Variants in WDFY3 observed in about 807,000 individuals in gnomAD.
WDFY3 encodes WD repeat and FYVE domain containing 3, also known as WD repeat and FYVE domain-containing protein 3.
A neutral mutation model predicts 409.6 loss-of-function variants in WDFY3; 66 were observed. The ratio of observed to expected loss-of-function variants is 0.16; its 90% confidence interval spans 0.13 to 0.20. The LOEUF (loss-of-function observed/expected upper bound fraction) is 0.20. WDFY3 is among the 10% of genes least tolerant of loss of function. The pLI is 1.00. For synonymous variants in WDFY3, 1,521 were observed against 1,537.1 expected, an observed-to-expected ratio of 0.99 and a Z score of 0.25; for missense variants, 3,031 against 4,298.1, an observed-to-expected ratio of 0.71 and a Z score of 8.24.
intron 1 of WDFY3, among the ~76,000 whole-genome samples, chr4:84,950,622 T>C (rs1015894149): frequency 2.0e-5 from 3 of 152,106 alleles, no homozygotes; most frequent in African/African-American, 7.2e-5. Context: ...AAACCCCGTC[T>C]CTATTAAAAT....
At chr4:84,961,378 T>C (rs1446669598) in intron 1 of WDFY3, among the ~76,000 whole-genome samples, 1 of 152,086 alleles carries the variant, frequency 6.6e-6, no homozygotes, top group African/African-American at 2.4e-5. Context: ...ACAAAGAATC[T>C]TTTTTTCCCT....
At chr4:84,771,278 T>C (rs1045009600) in intron 30 of WDFY3, among the ~76,000 whole-genome samples, 4 of 152,136 alleles carry the variant, frequency 2.6e-5, no homozygotes, top group African/African-American at 9.7e-5. Context: ...GCTGGGTCTA[T>C]AGGTGCACAC....
intron 36 of WDFY3, among the ~76,000 whole-genome samples, chr4:84,749,595 T>A (rs1020601078): frequency 6.6e-6 from 1 of 152,104 alleles, no homozygotes; most frequent in African/African-American, 2.4e-5. Flanking sequence ...AGGAAAAAAA[T>A]TTAGTTTTGT....
chr4:84,691,377 G>A (rs1729238492), intron 60 of WDFY3, among the ~76,000 whole-genome samples: 1 of 152,160 alleles, frequency 6.6e-6, no homozygotes. Context: ...GAAGGAAACT[G>A]CTAGCCCCTG....
intron 4 of WDFY3, 22 bp downstream of exon 4, chr4:84,860,390 G>T: frequency 1.2e-6 from 2 of 1,600,174 alleles, no homozygotes; most frequent in African/African-American, 2.7e-5. Flanking sequence ...CGGAAGGTGT[G>T]TGTCTGGCAA....
intron 3 of WDFY3, among the ~76,000 whole-genome samples, chr4:84,880,468 T>A (rs1465164736): frequency 6.6e-6 from 1 of 151,466 alleles, no homozygotes; most frequent in Non-Finnish European, 1.5e-5. Flanking sequence ...GTAACAGTGT[T>A]TATGGATTGG....
At chr4:84,824,688 C>G (rs1409098313) in intron 10 of WDFY3, among the ~76,000 whole-genome samples, 1 of 152,036 alleles carries the variant, frequency 6.6e-6, no homozygotes, top group African/African-American at 2.4e-5. Context: ...CAACCATATC[C>G]ACTTGTCAAA....
intron 53 of WDFY3, among the ~76,000 whole-genome samples, chr4:84,707,458 A>G (rs771742810): frequency 5.3e-5 from 8 of 152,206 alleles, no homozygotes; most frequent in Non-Finnish European, 7.3e-5. Context: ...TAGGAAAAGT[A>G]TAATTTCCAG....
At position 84,850,926 on chromosome 4, in the gene WDFY3, C is replaced by CTTTTTTTTT. The variant is rs781440189; in HGVS notation, c.181-902_181-901insAAAAAAAAA. On this transcript the variant is annotated intron_variant, in intron 4 of 67. Coordinates refer to ENST00000295888, the MANE Select transcript of WDFY3 (RefSeq NM_014991.6). ...AATTCTTATTTTTAATTTTATTTAT[C>CTTTTTTTTT]TGTTTTTTTTTTTTTTTTTTTTTTT... Among the ~76,000 whole-genome samples, 78 of 32,156 alleles carry CTTTTTTTTT rather than the reference C, an allele frequency of 2.4e-3. 7 individuals carry two copies. The highest frequency in any genetic ancestry group is 4.2e-3 in the South Asian group (3 of 720). 21.1% of individuals were successfully genotyped at this position (32,156 alleles called of 152,430 possible).
intron 34 of WDFY3, among the ~76,000 whole-genome samples, chr4:84,754,721 T>G (rs1342060371): frequency 6.6e-6 from 1 of 152,130 alleles, no homozygotes; most frequent in Non-Finnish European, 1.5e-5. Context: ...AAAAACAAAA[T>G]CAAATGAAAC....
intron 58 of WDFY3, among the ~76,000 whole-genome samples, chr4:84,693,740 C>G (rs570168135): frequency 6.6e-6 from 1 of 151,976 alleles, no homozygotes; most frequent in African/African-American, 2.4e-5. Flanking sequence ...ACTAAAAATA[C>G]AAAAATTAGC....
At chr4:84,749,670 A>T (rs202025783) in intron 36 of WDFY3, among the ~76,000 whole-genome samples, 88 of 152,328 alleles carry the variant, frequency 5.8e-4, no homozygotes, top group East Asian at 5.2e-3. Context: ...GTGAGGACTT[A>T]CTGTACTGAC....
intron 2 of WDFY3, among the ~76,000 whole-genome samples, chr4:84,899,032 T>G (rs1766003385): frequency 1.3e-5 from 2 of 152,212 alleles, no homozygotes; most frequent in Admixed American, 6.5e-5. Context: ...CATCATGGTG[T>G]GATGAGTATA....
rs1765838528 is a variant in WDFY3 at position 84,897,802 on chromosome 4, C to T, written c.-131-792G>A. Among the ~76,000 whole-genome samples the T allele has an allele frequency of 3.9e-5, 6 of 152,148 alleles. No homozygotes were observed. In the South Asian group the frequency reaches 1.2e-3, roughly 32 times the overall value. The stretch of plus-strand genomic sequence containing the variant: ...AACAAGCTTAAAATCCCAGGACAAA[C>T]CTATTCTGGATATTTCATTATGAAA... On this transcript the variant is annotated intron_variant, in intron 2 of 67. Transcript: ENST00000295888.
intron 57 of WDFY3, among the ~76,000 whole-genome samples, chr4:84,696,437 T>C (rs1417874955): frequency 6.6e-6 from 1 of 152,216 alleles, no homozygotes; most frequent in Non-Finnish European, 1.5e-5. Flanking sequence ...TAGGTTGTTA[T>C]GATTGTTCTA....
At chr4:84,692,533 G>C (rs576639443) in intron 59 of WDFY3, among the ~76,000 whole-genome samples, 7 of 151,910 alleles carry the variant, frequency 4.6e-5, no homozygotes, top group Non-Finnish European at 7.4e-5. Flanking sequence ...ATATCGGATA[G>C]GCAGAATATA....
At chr4:84,934,315 A>G (rs1243168696) in intron 1 of WDFY3, among the ~76,000 whole-genome samples, 1 of 152,130 alleles carries the variant, frequency 6.6e-6, no homozygotes, top group African/African-American at 2.4e-5. Flanking sequence ...TGCCATATGT[A>G]TGTCTTCTTT....
At chr4:84,921,343 A>C (rs1346158201) in intron 2 of WDFY3, among the ~76,000 whole-genome samples, 1 of 152,058 alleles carries the variant, frequency 6.6e-6, no homozygotes, top group Non-Finnish European at 1.5e-5. Context: ...AAGGAAAATA[A>C]ATGGGAAAGT....
chr4:84,757,707 T>G (rs1039720905), intron 32 of WDFY3, among the ~76,000 whole-genome samples: 1 of 152,124 alleles, frequency 6.6e-6, no homozygotes, highest in Non-Finnish European at 1.5e-5. Flanking sequence ...GCCTCCTGAG[T>G]AGCTGGGACT....
Sources: gnomAD v4.1 joint callset for allele counts (sites outside exome capture counted in the v4.1 genomes callset) on GRCh38, gnomAD v4.1.1 for gene constraint, MANE v1.5 for transcripts, NCBI Gene and HGNC (gene_info 2026-07-23, HGNC 2026-07-21) for gene names.